The following TTC1 variants were observed in gnomAD, a reference collection of about 807,000 sequenced individuals.
The protein encoded by TTC1 is tetratricopeptide repeat domain 1.
In TTC1, 31 loss-of-function variants were observed where a neutral mutation model predicts 37.6. The ratio of observed to expected loss-of-function variants is 0.82; its 90% CI spans 0.62 to 1.11. The LOEUF (loss-of-function observed/expected upper bound fraction) is 1.11. TTC1 is among the 50% of genes most tolerant of loss of function. The pLI is 0.00. For synonymous variants in TTC1, 127 were observed against 122.4 expected (o/e 1.04, Z -0.25); for missense variants, 351 against 339.0 (o/e 1.04, Z -0.28).
At chr5:160,013,340 A>G (rs951888860) in intron 2 of TTC1, among the ~76,000 whole-genome samples, 2 of 152,162 alleles carry the variant, frequency 1.3e-5, no homozygotes, top group African/African-American at 4.8e-5. Flanking sequence ...CTCATCAGAA[A>G]CAGGATAGTG....
At chr5:160,027,979 A>ATTAACATT (rs1485100752) in intron 2 of TTC1, among the ~76,000 whole-genome samples, 5 of 152,116 alleles carry the variant, frequency 3.3e-5, no homozygotes, top group Non-Finnish European at 7.3e-5. Context: ...GGATCTTTAG[A>ATTAACATT]TTAACATTTT....
intron 2 of TTC1, among the ~76,000 whole-genome samples, chr5:160,011,411 T>C (rs1232014524): frequency 6.6e-6 from 1 of 152,218 alleles, no homozygotes; most frequent in Non-Finnish European, 1.5e-5. Flanking sequence ...CTTAAAATGT[T>C]ACTTGTGTTT....
At position 160,045,493 on chromosome 5, in the gene TTC1, CACACACACACACACACACACA is replaced by C. The variant is rs1561634746; in HGVS notation, c.541+2325_541+2345del. On this transcript the variant is annotated intron_variant, in intron 5 of 7. Transcript: ENST00000231238. The stretch of plus-strand genomic sequence containing the variant: ...ACACACACACACACACACACACACA[CACACACACACACACACACACA>C]TACACACTCTCTCTCTCTCTCTCTC... 4.9e-4 allele frequency among the ~76,000 whole-genome samples: 57 copies of C among 117,120 alleles called. 2 individuals are homozygous for C. The highest frequency in any genetic ancestry group is 1.6e-3 in the African/African-American group (48 of 30,152). The allele number at this position is 117,120 out of a possible 152,430, so 76.8% of individuals were successfully genotyped here.
chr5:160,046,059 A>G (rs567386313), intron 5 of TTC1, among the ~76,000 whole-genome samples: 44 of 152,252 alleles, frequency 2.9e-4, no homozygotes, highest in African/African-American at 1.0e-3. Context: ...GGGTTCTTTC[A>G]GAAAACCTTC....
rs1433300423 is a variant in TTC1 at position 160,051,198 on chromosome 5, TAC to T, written c.745+16_745+17del. 6.2e-7 allele frequency: 1 copy of T among 1,604,568 alleles called. No individual in the cohort carries two copies. The highest frequency in any genetic ancestry group is 1.7e-5 in the Admixed American group (1 of 58,742). ...AGAGATGTTAGGTAAGCTTACTTCT[TAC>T]TTTGCTTGATCATAAACAGCTAGGA... On this transcript the variant is annotated intron_variant, in intron 7 of 7. Transcript: ENST00000231238.
chr5:160,056,820 T>C (rs1757559512), intron 7 of TTC1, among the ~76,000 whole-genome samples: 1 of 152,174 alleles, frequency 6.6e-6, no homozygotes, highest in Non-Finnish European at 1.5e-5. Flanking sequence ...GTTCAGCATA[T>C]TCTTCTGGCT....
intron 2 of TTC1, among the ~76,000 whole-genome samples, chr5:160,015,515 C>T (rs1466129874): frequency 2.6e-5 from 4 of 152,144 alleles, no homozygotes; most frequent in Admixed American, 2.6e-4. Context: ...CCTATAAAAA[C>T]TCTTGAACTA....
chr5:160,023,704 G>A, intron 2 of TTC1: 3 of 1,570,022 alleles, frequency 1.9e-6, no homozygotes, highest in Non-Finnish European at 2.6e-6. Context: ...CATGTCACAT[G>A]TTGCCTAATC....
intron 5 of TTC1, among the ~76,000 whole-genome samples, chr5:160,045,454 CCACACACACA>C (rs57919333): frequency 0.031 from 1,214 of 38,758 alleles, 46 homozygotes; most frequent in Admixed American, 0.035. Context: ...CCCCCACCCT[CCACACACACA>C]CACACACACA....
chr5:160,011,449 G>C (rs562390392), intron 2 of TTC1, among the ~76,000 whole-genome samples: 30 of 152,246 alleles, frequency 2.0e-4, no homozygotes, highest in Non-Finnish European at 2.6e-4. Context: ...ATGCCTATGA[G>C]ATACATACTG....
rs137901715 is a variant in TTC1, at chr5:160,030,836, A to T, written c.331-4304A>T. ...GCCTCTCTGGAATGTGTTAAAAGGCATTGTGGAGGTATGTAAGGGTTTTAA... is the reference window on the plus strand; with the variant it reads ...GCCTCTCTGGAATGTGTTAAAAGGCTTTGTGGAGGTATGTAAGGGTTTTAA... On this transcript the variant is annotated intron_variant, in intron 2 of 7. Coordinates refer to ENST00000231238, the MANE Select transcript of TTC1 (RefSeq NM_003314.3). Among the ~76,000 whole-genome samples the T allele has an allele frequency of 7.2e-5, 11 of 152,318 alleles. No individual in the cohort carries two copies. In the East Asian group the frequency reaches 2.1e-3, roughly 29 times the overall value.
chr5:160,050,979 T>G (rs536948989), intron 6 of TTC1, 150 bp from the exon 7 acceptor site: 6 of 561,234 alleles, frequency 1.1e-5, no homozygotes, highest in Non-Finnish European at 1.7e-5. Flanking sequence ...TACTTGGGGT[T>G]TTTTTTTTTT....
At chr5:160,011,396 A>G (rs1483926725) in intron 2 of TTC1, among the ~76,000 whole-genome samples, 2 of 152,204 alleles carry the variant, frequency 1.3e-5, no homozygotes, top group African/African-American at 4.8e-5. Context: ...TGTGCCATCC[A>G]CTGACTTAAA....
rs147204019 is a variant in TTC1 at position 160,027,618 on chromosome 5, C to A, written c.331-7522C>A. Among the ~76,000 whole-genome samples the A allele has an allele frequency of 3.9e-5, 6 of 152,322 alleles. No individual in the cohort carries two copies. In the East Asian group the frequency reaches 1.2e-3, roughly 29 times the overall value. On this transcript the variant is annotated intron_variant, in intron 2 of 7. Coordinates refer to ENST00000231238, the MANE Select transcript of TTC1 (RefSeq NM_003314.3). Reference sequence around the variant, plus strand: ...TTTGAGTGACCATCTACTGTCATTTCCTCCAGCCTGAAGGACTTTAATATA... The same window carrying A: ...TTTGAGTGACCATCTACTGTCATTTACTCCAGCCTGAAGGACTTTAATATA...
chr5:160,048,126 CTTTTTTTTTTTTTT>C (rs56201199), intron 5 of TTC1, among the ~76,000 whole-genome samples: 15 of 35,570 alleles, frequency 4.2e-4, no homozygotes, highest in South Asian at 1.6e-3. Context: ...CAAGACATTG[CTTTTTTTTTTTTTT>C]TTTTTTTTTT....
intron 4 of TTC1, among the ~76,000 whole-genome samples, chr5:160,041,996 C>T (rs1757106009): frequency 6.6e-6 from 1 of 152,096 alleles, no homozygotes; most frequent in Non-Finnish European, 1.5e-5. Context: ...GTGTCGTGAA[C>T]TCAACTTACT....
chr5:160,027,550 T>C (rs1756828944), intron 2 of TTC1, among the ~76,000 whole-genome samples: 1 of 152,240 alleles, frequency 6.6e-6, no homozygotes, highest in Non-Finnish European at 1.5e-5. Context: ...TAGAGTCTTA[T>C]ATCTGCTTAC....
At chr5:160,034,672 G>T (rs1756972289) in intron 2 of TTC1, among the ~76,000 whole-genome samples, 1 of 152,166 alleles carries the variant, frequency 6.6e-6, no homozygotes, top group Non-Finnish European at 1.5e-5. Flanking sequence ...TTAAACAGTA[G>T]TCCATAATAC....
At chr5:160,040,870 G>A (rs548050882) in intron 4 of TTC1, among the ~76,000 whole-genome samples, 73 of 151,570 alleles carry the variant, frequency 4.8e-4, no homozygotes, top group African/African-American at 1.6e-3. Context: ...TTAGCCTCCC[G>A]AATCACTGGA....
Sources: gnomAD v4.1 joint callset for allele counts (sites outside exome capture counted in the v4.1 genomes callset) on GRCh38, gnomAD v4.1.1 for gene constraint, MANE v1.5 for transcripts, NCBI Gene and HGNC (gene_info 2026-07-23, HGNC 2026-07-21) for gene names.